AKAP1: variants seen among roughly 807,000 people sequenced by gnomAD.
The protein encoded by AKAP1 is A-kinase anchoring protein 1, also known as A-kinase anchor protein 1, mitochondrial.
Under a neutral mutation model 79.8 loss-of-function variants are expected in AKAP1, and 32 were observed. That is an observed-to-expected ratio of 0.40 (90% CI 0.30 to 0.54). The LOEUF is 0.54. Ranked by LOEUF, AKAP1 falls within the 20% of genes least tolerant of loss-of-function variation. AKAP1 has a pLI of 0.47. For missense variants in AKAP1, 961 were observed against 1,138.9 expected (o/e 0.84, Z 2.25); for synonymous variants, 416 against 466.7 (o/e 0.89, Z 1.40).
intron 5 of AKAP1, 52 bp downstream of exon 5, chr17:57,112,670 A>T (rs1248459536): frequency 3.9e-6 from 6 of 1,549,884 alleles, no homozygotes. Flanking sequence ...CCCCAAACCT[A>T]CCCCAAACAA....
intron 1 of AKAP1, among the ~76,000 whole-genome samples, chr17:57,104,848 G>T (rs114471440): frequency 0.011 from 1,741 of 152,334 alleles, 35 homozygotes; most frequent in African/African-American, 0.039. Flanking sequence ...GTCTGACCTG[G>T]ACCTTCATGC....
In AKAP1 at chr17:57,114,456, C is replaced by T; in HGVS notation, c.2104-3C>T. ...AGTGACCGCTCCCCCTTCCCCTCTA[C>T]AGCTCATGCTGCCTGATGGCATCAC... On this transcript the variant is annotated splice_polypyrimidine_tract_variant and splice_region_variant and intron_variant, in intron 5 of 10. Coordinates refer to ENST00000337714, the MANE Select transcript of AKAP1 (RefSeq NM_003488.4). 6.2e-7 allele frequency: 1 copy of T among 1,613,878 alleles called. No homozygotes were observed. Among genetic ancestry groups the T allele is most frequent in the Admixed American group, 1.7e-5 (1 of 60,028 alleles).
chr17:57,112,684 A>G (rs2030515316), intron 5 of AKAP1, 66 bp downstream of exon 5: 1 of 1,541,080 alleles, frequency 6.5e-7, no homozygotes, highest in Non-Finnish European at 8.7e-7. Context: ...CAAACAAGAA[A>G]CTCCCCAGAC....
intron 6 of AKAP1, among the ~76,000 whole-genome samples, chr17:57,115,539 C>A (rs754923511): frequency 1.3e-5 from 2 of 152,156 alleles, no homozygotes; most frequent in Non-Finnish European, 2.9e-5. Flanking sequence ...CTGCCTCTGA[C>A]CCACAGTGGG....
intron 7 of AKAP1, 54 bp downstream of exon 7, chr17:57,116,315 A>G: frequency 1.2e-6 from 2 of 1,607,122 alleles, no homozygotes; most frequent in East Asian, 4.5e-5. Flanking sequence ...GGGATGCGTG[A>G]TCTCTGCGTG....
rs551680613 is a variant in AKAP1 at position 57,118,364 on chromosome 17, T to C, written c.2501-17T>C. On this transcript the variant is annotated splice_polypyrimidine_tract_variant and intron_variant, in intron 8 of 10. Coordinates refer to ENST00000337714, the MANE Select transcript of AKAP1 (RefSeq NM_003488.4). Reference sequence around the variant, plus strand: ...TCAGTGAGAGCCTAAATGCCGCTTTTCCTTTTCCTCCTGAAGACGATGACC... The same window carrying C: ...TCAGTGAGAGCCTAAATGCCGCTTTCCCTTTTCCTCCTGAAGACGATGACC... 2.4e-5 allele frequency: 38 copies of C among 1,613,690 alleles called. No individual in the cohort carries two copies. The South Asian group carries it at 4.2e-4, about 18-fold the overall frequency.
chr17:57,116,114 C>T lies in AKAP1; in HGVS notation c.2285C>T (p.Thr762Met), dbSNP rs144078543. 24 of 1,612,546 alleles carry T rather than the reference C, an allele frequency of 1.5e-5. No homozygotes were observed. Among genetic ancestry groups the T allele is most frequent in the East Asian group, 1.1e-4 (5 of 44,892 alleles). Reference sequence around the variant, plus strand: ...CACTCTGCTCCCTACCCTGCAGTAACGGTCATCTGTGCCGCCCCTGGTGCG... The same window carrying T: ...CACTCTGCTCCCTACCCTGCAGTAATGGTCATCTGTGCCGCCCCTGGTGCG... Reference protein sequence around the residue: ...IPTLPTPVEITVICAAPGADG... With the variant: ...IPTLPTPVEIMVICAAPGADG... Residue 762 changes from threonine (T) to methionine (M), a missense_variant, in exon 7 of 11, where the codon ACG becomes ATG. Around this residue, in one of 3 missense-constraint regions of AKAP1, gnomAD observed 629 missense variants for 781.1 expected, o/e 0.81. Transcript: ENST00000337714.
At chr17:57,113,290 A>G (rs953308218) in intron 5 of AKAP1, among the ~76,000 whole-genome samples, 1 of 152,106 alleles carries the variant, frequency 6.6e-6, no homozygotes, top group Non-Finnish European at 1.5e-5. Flanking sequence ...TCTCACTGGG[A>G]GTAGAATTGC....
At position 57,114,630 on chromosome 17, in the gene AKAP1, G is replaced by A. The variant is rs139223130; in HGVS notation, c.2275G>A (p.Val759Met). Residue 759 changes from valine to methionine, a missense_variant, in exon 6 of 11, where the codon GTG (valine) becomes ATG (methionine). Around this residue, in one of 3 missense-constraint regions of AKAP1, gnomAD observed 629 missense variants for 781.1 expected, o/e 0.81. Coordinates refer to ENST00000337714, the MANE Select transcript of AKAP1 (RefSeq NM_003488.4). ...TGGAATCCCCACCTTGCCCACCCCA[G>A]TGGAAAGTAAGCAGTGCCCTGAGGG... The part of the protein sequence containing the change: ...QPGIPTLPTP[V>M]EITVICAAPG... The A allele has an allele frequency of 2.5e-6, 4 of 1,613,714 alleles. No individual in the cohort carries two copies. Among genetic ancestry groups the A allele is most frequent in the Non-Finnish European group, 3.4e-6 (4 of 1,179,854 alleles).
At position 57,085,291 on chromosome 17, in the gene AKAP1, G is replaced by A. The variant is rs1314388392; in HGVS notation, c.-132G>A. ...TCCACCCGCCTGGGCTAGCACGTGG[G>A]GGAGCTGCGGAAGCGCGGCGCTGCG... On this transcript the variant is annotated 5_prime_UTR_variant, in exon 1 of 11. Transcript: ENST00000337714. The A allele has an allele frequency of 2.0e-5, 3 of 151,154 alleles. No homozygotes were observed. The highest frequency in any genetic ancestry group is 6.6e-5 in the Admixed American group (1 of 15,170). 9.4% of individuals were successfully genotyped at this position (151,154 alleles called of 1,614,324 possible).
chr17:57,111,342 A>G (rs1296538990), intron 3 of AKAP1, among the ~76,000 whole-genome samples: 2 of 152,164 alleles, frequency 1.3e-5, no homozygotes, highest in African/African-American at 4.8e-5. Flanking sequence ...GAGCCCCTTT[A>G]TCTTTGGATC....
rs17833723 is a variant in AKAP1, at chr17:57,105,834, C to T, written c.370C>T (p.Arg124Cys). ...TTDMRLRPGT[R>C]RDDSTKLELA... Reference sequence around the variant, plus strand: ...AGACATGAGATTGCGACCAGGAACACGCAGAGATGACAGTACAAAGCTGGA... The same window carrying T: ...AGACATGAGATTGCGACCAGGAACATGCAGAGATGACAGTACAAAGCTGGA... Residue 124 changes from arginine (R) to cysteine (C), a missense_variant, in exon 2 of 11, where the codon CGC becomes TGC. Physicochemically the swap from Arg to Cys is radical, Grantham distance 180 (BLOSUM62 -3). Coordinates refer to ENST00000337714, the MANE Select transcript of AKAP1 (RefSeq NM_003488.4). 0.022 allele frequency: 34,713 copies of T among 1,614,228 alleles called. 450 individuals are homozygous for T. Among genetic ancestry groups the T allele is most frequent in the Non-Finnish European group, 0.026 (30,936 of 1,180,034 alleles).
rs775133540 is a variant in AKAP1, at chr17:57,120,273, G to C, written c.2661G>C (p.Leu887=). 1 of 1,613,778 alleles carries C rather than the reference G, an allele frequency of 6.2e-7. No homozygotes were observed. The highest frequency in any genetic ancestry group is 8.5e-7 in the Non-Finnish European group (1 of 1,179,880). The part of the protein sequence containing the change: ...GDEVVLINRS[L]VERGLAQWVD... Reference sequence around the variant, plus strand: ...AGGTGGTGTTGATAAACCGGTCCCTGGTGGAGCGAGGCCTTGCCCAGTGGG... The same window carrying C: ...AGGTGGTGTTGATAAACCGGTCCCTCGTGGAGCGAGGCCTTGCCCAGTGGG... The change falls in exon 11 of 11, where the codon CTG becomes CTC. Residue 887 remains leucine, a synonymous_variant. Coordinates refer to ENST00000337714, the MANE Select transcript of AKAP1 (RefSeq NM_003488.4).
At chr17:57,101,655 A>T (rs1914522494) in intron 1 of AKAP1, 1 of 152,200 alleles carries the variant, frequency 6.6e-6, no homozygotes, top group African/African-American at 2.4e-5. Flanking sequence ...ATGTGAAGCC[A>T]AGTTGGAGAA....
chr17:57,114,363 A>G, intron 5 of AKAP1, 96 bp from the exon 6 acceptor site: 3 of 1,462,152 alleles, frequency 2.1e-6, no homozygotes, highest in Non-Finnish European at 2.8e-6. Context: ...TTTCAAAGAT[A>G]TGCTAGCCCA....
At chr17:57,090,440 A>T (rs994215236) in intron 1 of AKAP1, among the ~76,000 whole-genome samples, 1 of 152,148 alleles carries the variant, frequency 6.6e-6, no homozygotes, top group Non-Finnish European at 1.5e-5. Context: ...CAAGGGCTGG[A>T]CTGGCTTGGA....
At position 57,106,624 on chromosome 17, in the gene AKAP1, A is replaced by C; in HGVS notation, c.1160A>C (p.Glu387Ala). The C allele has an allele frequency of 6.2e-7, 1 of 1,614,188 alleles. No homozygotes were observed. Among genetic ancestry groups the C allele is most frequent in the African/African-American group, 1.3e-5 (1 of 75,046 alleles). ...QASQLQGQKE[E>A]SCVPVHQKTV... ...AGTCAGCTCCAAGGGCAGAAGGAAG[A>C]GAGCTGTGTCCCAGTTCACCAGAAA... Residue 387 changes from glutamate (E) to alanine (A), a missense_variant, in exon 2 of 11, where the codon GAG becomes GCG. Around this residue, in one of 3 missense-constraint regions of AKAP1, gnomAD observed 629 missense variants for 781.1 expected, o/e 0.81. Coordinates refer to ENST00000337714, the MANE Select transcript of AKAP1 (RefSeq NM_003488.4).
intron 6 of AKAP1, among the ~76,000 whole-genome samples, chr17:57,114,909 T>A (rs1054687558): frequency 6.6e-6 from 1 of 152,050 alleles, no homozygotes; most frequent in Non-Finnish European, 1.5e-5. Context: ...TTTCTTTTTT[T>A]TTTCCCTCAA....
intron 10 of AKAP1, 30 bp from the exon 11 acceptor site, chr17:57,120,220 C>A (rs750637328): frequency 1.2e-6 from 2 of 1,603,744 alleles, no homozygotes; most frequent in South Asian, 1.1e-5. Flanking sequence ...ATGCCATGGA[C>A]AAAAGCTTTA....
Sources: gnomAD v4.1 joint callset for allele counts (sites outside exome capture counted in the v4.1 genomes callset) on GRCh38, gnomAD v4.1.1 for gene constraint, gnomAD v4.1.1 regional missense constraint, MANE v1.5 for transcripts, NCBI Gene and HGNC (gene_info 2026-07-23, HGNC 2026-07-21) for gene names.